GDA: variants seen among roughly 807,000 people sequenced by gnomAD.
GDA encodes guanine deaminase.
GDA carries 18 observed loss-of-function variants against 59.6 expected under a neutral mutation model. The ratio of observed to expected loss-of-function variants is 0.30; its 90% CI spans 0.21 to 0.45. GDA has a LOEUF of 0.45. Among genes scored for constraint, GDA ranks in the 20% least tolerant of loss-of-function variants. The probability of loss-of-function intolerance (pLI) is 1.00; values close to 1 mark genes in which losing one functional copy is unlikely to be tolerated. For synonymous variants in GDA, 201 were observed against 201.1 expected, an observed-to-expected ratio of 1.00 and a Z score of 0.00; for missense variants, 427 against 552.3, an observed-to-expected ratio of 0.77 and a Z score of 2.27.
chr9:72,258,821 A>C (rs1199947497), downstream of GDA, among the ~76,000 whole-genome samples: 1 of 152,088 alleles, frequency 6.6e-6, no homozygotes, highest in Non-Finnish European at 1.5e-5. Flanking sequence ...ATGGGTGTGG[A>C]CACAGGTCTT....
intron 1 of GDA, among the ~76,000 whole-genome samples, chr9:72,157,351 T>C (rs1478028444): frequency 3.3e-5 from 5 of 152,228 alleles, no homozygotes; most frequent in Non-Finnish European, 7.3e-5. Context: ...CAGACTTCTT[T>C]TGTGAGATAT....
At chr9:72,183,186 G>A (rs1831459197) in intron 1 of GDA, among the ~76,000 whole-genome samples, 1 of 152,190 alleles carries the variant, frequency 6.6e-6, no homozygotes, top group African/African-American at 2.4e-5. Flanking sequence ...CCTCTCAGCA[G>A]ATAAAGCTAG....
At chr9:72,140,379 A>G (rs1399562235) in intron 1 of GDA, among the ~76,000 whole-genome samples, 2 of 152,174 alleles carry the variant, frequency 1.3e-5, no homozygotes, top group African/African-American at 4.8e-5. Flanking sequence ...AGAAGGGAAG[A>G]GCGGGAAAAG....
chr9:72,133,524 C>G (rs1587315057), intron 1 of GDA, among the ~76,000 whole-genome samples: 1 of 151,986 alleles, frequency 6.6e-6, no homozygotes, highest in African/African-American at 2.4e-5. Flanking sequence ...TTGGGAATGT[C>G]GAGCTGGCAA....
At chr9:72,155,885 A>G (rs1173759580) in intron 1 of GDA, among the ~76,000 whole-genome samples, 1 of 152,210 alleles carries the variant, frequency 6.6e-6, no homozygotes, top group African/African-American at 2.4e-5. Context: ...GTATCTCCAA[A>G]TTTCTTTATG....
chr9:72,215,360 A>C (rs1199518513), intron 5 of GDA, among the ~76,000 whole-genome samples: 1 of 152,194 alleles, frequency 6.6e-6, no homozygotes. Flanking sequence ...TGAAACCACC[A>C]AAAGTTACCA....
At chr9:72,161,627 G>A (rs1828642059) in intron 1 of GDA, among the ~76,000 whole-genome samples, 1 of 152,152 alleles carries the variant, frequency 6.6e-6, no homozygotes, top group African/African-American at 2.4e-5. Context: ...ATAAAGGCCT[G>A]CTTGCTTCTT....
Position 72,252,170 on chromosome 9 carries a change from G to A in GDA, c.*3828G>A, listed in dbSNP as rs577257640. Reference sequence around the variant, plus strand: ...ATGATTCGCTTACTGTTATTGTGCTGAGTGAGCTCCTGTGTGCTTCAGACA... The same window carrying A: ...ATGATTCGCTTACTGTTATTGTGCTAAGTGAGCTCCTGTGTGCTTCAGACA... On this transcript the variant is annotated 3_prime_UTR_variant, in exon 14 of 14. Coordinates refer to ENST00000358399, the MANE Select transcript of GDA (RefSeq NM_004293.5). The A allele has an allele frequency of 3.3e-5, 5 of 152,684 alleles. No homozygotes were observed. The South Asian group carries it at 8.3e-4, about 25-fold the overall frequency. The allele number at this position is 152,684 out of a possible 1,614,324, so 9.5% of individuals were successfully genotyped here. A position where few individuals can be genotyped will look rare whatever the true frequency, so the allele number is the denominator to read the frequency against.
chr9:72,237,648 A>G (rs1380294159), intron 10 of GDA, among the ~76,000 whole-genome samples: 1 of 152,126 alleles, frequency 6.6e-6, no homozygotes, highest in African/African-American at 2.4e-5. Flanking sequence ...TCAACTGACT[A>G]CATTCTCCCT....
chr9:72,130,935 C>A (rs1050133571), intron 1 of GDA, among the ~76,000 whole-genome samples: 3 of 152,200 alleles, frequency 2.0e-5, no homozygotes, highest in Non-Finnish European at 2.9e-5. Context: ...TAACCTCCTT[C>A]CATTGGATGT....
At chr9:72,259,169 C>T (rs778281966), downstream of GDA, among the ~76,000 whole-genome samples, 31 of 152,006 alleles carry the variant, frequency 2.0e-4, no homozygotes, top group Non-Finnish European at 3.1e-4. Flanking sequence ...GGACTACAGG[C>T]GTGCACCATC....
chr9:72,236,405 C>G (rs1316069054), intron 10 of GDA, among the ~76,000 whole-genome samples: 1 of 152,160 alleles, frequency 6.6e-6, no homozygotes, highest in Non-Finnish European at 1.5e-5. Context: ...CTTAAACTTT[C>G]TACCCCAACT....
chr9:72,231,061 C>A, intron 9 of GDA, 53 bp from the exon 10 acceptor site: 1 of 1,019,268 alleles, frequency 9.8e-7, no homozygotes, highest in Non-Finnish European at 1.6e-6. Context: ...TAGTGTTCAT[C>A]TTTTATTGGA....
intron 4 of GDA, 47 bp downstream of exon 4, chr9:72,210,821 C>G (rs1273806900): frequency 8.5e-7 from 1 of 1,173,352 alleles, no homozygotes; most frequent in East Asian, 2.3e-5. Context: ...CAAAGACAGC[C>G]AGACCATCGT....
Position 72,149,491 on chromosome 9 carries a change from A to C in GDA, c.-69A>C. The C allele has an allele frequency of 2.5e-6, 4 of 1,569,434 alleles. No individual in the cohort carries two copies. Among genetic ancestry groups the C allele is most frequent in the Non-Finnish European group, 3.5e-6 (4 of 1,156,572 alleles). On this transcript the variant is annotated 5_prime_UTR_variant, in exon 1 of 14. Coordinates refer to ENST00000358399, the MANE Select transcript of GDA (RefSeq NM_004293.5). Reference sequence around the variant, plus strand: ...CCGGCAGCCGCCCGCAGCTGCAGAGAGTCCCGCTGCGTCTCCGCCGCGTGC... The same window carrying C: ...CCGGCAGCCGCCCGCAGCTGCAGAGCGTCCCGCTGCGTCTCCGCCGCGTGC...
At chr9:72,150,742 G>A (rs576103673) in intron 1 of GDA, among the ~76,000 whole-genome samples, 334 of 152,250 alleles carry the variant, frequency 2.2e-3, no homozygotes, top group Admixed American at 3.8e-3. Context: ...CTTACATTTG[G>A]GGGTAACTAA....
chr9:72,140,463 A>C (rs1028805450), intron 1 of GDA, among the ~76,000 whole-genome samples: 2 of 152,294 alleles, frequency 1.3e-5, no homozygotes, highest in East Asian at 3.9e-4. Flanking sequence ...CTGCGCTGCC[A>C]GAAAGAGTGT....
At chr9:72,204,983 G>A (rs1462983173) in intron 3 of GDA, among the ~76,000 whole-genome samples, 1 of 152,018 alleles carries the variant, frequency 6.6e-6, no homozygotes, top group Non-Finnish European at 1.5e-5. Flanking sequence ...GTGGTGGCAT[G>A]TGCCTGTAAT....
At chr9:72,257,971 T>C (rs1840905100), downstream of GDA, among the ~76,000 whole-genome samples, 1 of 146,388 alleles carries the variant, frequency 6.8e-6, no homozygotes, top group African/African-American at 2.5e-5. Flanking sequence ...GAGTCAGTCA[T>C]GACAGAATCC....
Sources: gnomAD v4.1 joint callset for allele counts (sites outside exome capture counted in the v4.1 genomes callset) on GRCh38, gnomAD v4.1.1 for gene constraint, MANE v1.5 for transcripts, NCBI Gene and HGNC (gene_info 2026-07-23, HGNC 2026-07-21) for gene names.